TNXB: variants seen among roughly 807,000 people sequenced by gnomAD.
TNXB encodes tenascin-X.
Under a neutral mutation model 340.5 loss-of-function variants are expected in TNXB, and 183 were observed. The observed-to-expected ratio is 0.54, with a 90% CI of 0.48 to 0.61. The LOEUF (loss-of-function observed/expected upper bound fraction) is 0.61. Among genes scored for constraint, TNXB ranks in the 20% least tolerant of loss-of-function variants. The pLI is 0.00. For synonymous variants in TNXB, 2,121 were observed against 2,314.5 expected, an observed-to-expected ratio of 0.92 and a Z score of 2.40; for missense variants, 4,613 against 5,446.4, an observed-to-expected ratio of 0.85 and a Z score of 4.82.
intron 13 of TNXB, among the ~76,000 whole-genome samples, chr6:32,071,580 T>TTC (rs1252347714): frequency 1.8e-4 from 27 of 147,880 alleles, no homozygotes; most frequent in South Asian, 6.4e-4. Context: ...TTTTCTTTCT[T>TTC]TTTTTTTTTT....
chr6:32,057,455 G>A (rs945659932), intron 22 of TNXB, among the ~76,000 whole-genome samples: 1 of 152,004 alleles, frequency 6.6e-6, no homozygotes, highest in African/African-American at 2.4e-5. Context: ...TACTGGCCTC[G>A]CTGCCTCCAG....
intron 29 of TNXB, 25 bp downstream of exon 29, chr6:32,048,338 C>T (rs763244522): frequency 6.8e-6 from 10 of 1,472,630 alleles, no homozygotes; most frequent in Non-Finnish European, 7.2e-6. Context: ...GCTCTGGCCG[C>T]GGGAGGCCTC....
At position 32,058,223 on chromosome 6, in the gene TNXB, C is replaced by G. The variant is rs777317530; in HGVS notation, c.7660G>C (p.Val2554Leu). The change falls in exon 22 of 44, where the codon GTG becomes CTG. Residue 2554 changes from valine (V) to leucine (L), a missense_variant. Coordinates refer to ENST00000644971, the MANE Select transcript of TNXB (RefSeq NM_001365276.2). This position sits in a 1 kb window ranked among gnomAD's most constrained non-coding sequence, Gnocchi z 5.1. ...VPQGRFDSFTVQYKDRDGRPQ... is the reference protein window; with the variant it reads ...VPQGRFDSFTLQYKDRDGRPQ... ...CGCCCGTCCCTGTCCTTGTACTGCACGGTGAAGGAGTCAAAGCGGCCCTGG... is the reference window on the plus strand; with the variant it reads ...CGCCCGTCCCTGTCCTTGTACTGCAGGGTGAAGGAGTCAAAGCGGCCCTGG... The G allele has an allele frequency of 6.2e-7, 1 of 1,612,402 alleles. No homozygotes were observed. Among genetic ancestry groups the G allele is most frequent in the Non-Finnish European group, 8.5e-7 (1 of 1,179,852 alleles).
Position 32,079,417 on chromosome 6 carries a change from C to A in TNXB, c.4043-52G>T, listed in dbSNP as rs1779313871. Reference sequence around the variant, plus strand: ...GGCTGCTGGCTTTGCTGCTGCTGCCCACAGATGACAGCCATGGAAATGCCC... The same window carrying A: ...GGCTGCTGGCTTTGCTGCTGCTGCCAACAGATGACAGCCATGGAAATGCCC... On this transcript the variant is annotated intron_variant, in intron 10 of 43. Coordinates refer to ENST00000644971, the MANE Select transcript of TNXB (RefSeq NM_001365276.2). This position sits in a 1 kb window ranked among gnomAD's most constrained non-coding sequence, Gnocchi z 7.1. The A allele has an allele frequency of 1.4e-6, 2 of 1,428,468 alleles. No homozygotes were observed. Among genetic ancestry groups the A allele is most frequent in the South Asian group, 1.3e-5 (1 of 75,838 alleles). The allele number at this position is 1,428,468 out of a possible 1,614,324, so 88.5% of individuals were successfully genotyped here.
rs773878446 is a variant in TNXB at position 32,086,134 on chromosome 6, G to A, written c.2780-16C>T. On this transcript the variant is annotated splice_polypyrimidine_tract_variant and intron_variant, in intron 6 of 43. Transcript: ENST00000644971. ...GGTGAGGACCCTGGGAAGGGGCAGGGTGAGAAAAAGAGGAGAGTCCAGTAT... is the reference window on the plus strand; with the variant it reads ...GGTGAGGACCCTGGGAAGGGGCAGGATGAGAAAAAGAGGAGAGTCCAGTAT... 1 of 1,478,390 alleles carries A rather than the reference G, an allele frequency of 6.8e-7. No individual in the cohort carries two copies. Among genetic ancestry groups the A allele is most frequent in the Non-Finnish European group, 9.0e-7 (1 of 1,112,448 alleles). The allele number at this position is 1,478,390 out of a possible 1,614,324, so 91.6% of individuals were successfully genotyped here.
chr6:32,041,628 A>G (rs1776405425), intron 43 of TNXB, 143 bp downstream of exon 43: 4 of 1,091,330 alleles, frequency 3.7e-6, no homozygotes, highest in Non-Finnish European at 5.5e-6. Flanking sequence ...CCAATAAATC[A>G]ACTCCAGCTC....
In TNXB at chr6:32,079,477, T is replaced by C; in HGVS notation, c.4043-112A>G. The C allele has an allele frequency of 4.5e-6, 4 of 898,442 alleles. No individual in the cohort carries two copies. Among genetic ancestry groups the C allele is most frequent in the Non-Finnish European group, 6.6e-6 (4 of 602,778 alleles). 55.7% of individuals were successfully genotyped at this position (898,442 alleles called of 1,614,324 possible). Reference sequence around the variant, plus strand: ...GGGCTCAGGGGCTCTGTAGCCTTTGTATTTGCCATTCGGTCACTCACGGAT... The same window carrying C: ...GGGCTCAGGGGCTCTGTAGCCTTTGCATTTGCCATTCGGTCACTCACGGAT... On this transcript the variant is annotated intron_variant, in intron 10 of 43. Coordinates refer to ENST00000644971, the MANE Select transcript of TNXB (RefSeq NM_001365276.2). The surrounding 1 kb of genome is among the most constrained non-coding windows in gnomAD (Gnocchi z 7.1).
chr6:32,081,381 C>G lies in TNXB; in HGVS notation c.4029G>C (p.Val1343=), dbSNP rs531069163. Reference sequence around the variant, plus strand: ...GCCATGACTCACCAGTCTTGGCCACCACAGACTCGGGCCCCACACGCTGCC... The same window carrying G: ...GCCATGACTCACCAGTCTTGGCCACGACAGACTCGGGCCCCACACGCTGCC... ...RGRQRVGPES[V]VAKTAPQEDV... Residue 1343 remains valine (V), a synonymous_variant, in exon 10 of 44, where the codon GTG becomes GTC. Coordinates refer to ENST00000644971, the MANE Select transcript of TNXB (RefSeq NM_001365276.2). The surrounding 1 kb of genome is among the most constrained non-coding windows in gnomAD (Gnocchi z 5.1). 6.5e-7 allele frequency: 1 copy of G among 1,539,284 alleles called. No homozygotes were observed. The highest frequency in any genetic ancestry group is 1.4e-5 in the African/African-American group (1 of 73,060).
Position 32,041,207 on chromosome 6 carries a change from C to T in TNXB, c.*142G>A, listed in dbSNP as rs1262054342. 4.3e-6 allele frequency: 4 copies of T among 934,980 alleles called. No individual in the cohort carries two copies. Among genetic ancestry groups the T allele is most frequent in the African/African-American group, 3.1e-5 (2 of 64,404 alleles). The allele number at this position is 934,980 out of a possible 1,614,324, so 57.9% of individuals were successfully genotyped here. On this transcript the variant is annotated 3_prime_UTR_variant, in exon 44 of 44. Coordinates refer to ENST00000644971, the MANE Select transcript of TNXB (RefSeq NM_001365276.2). ...CTCCCGTACGAACCCCTCCCCTCCC[C>T]CCTGTAAACACAGTGCTGCGAGATC...
At chr6:32,055,785 G>T in intron 24 of TNXB, 66 bp downstream of exon 24, 1 of 1,556,038 alleles carries the variant, frequency 6.4e-7, no homozygotes, top group Non-Finnish European at 8.7e-7. Flanking sequence ...GAATATTTTT[G>T]TTTTCATGAA....
Position 32,069,932 on chromosome 6 carries a change from T to C in TNXB, c.5279-71A>G, listed in dbSNP as rs1360546647. ...GACTGGGTGACCTCGACGGGCAGGA[T>C]TGAGAGGTCTGGAGACAGGGCTTTG... On this transcript the variant is annotated intron_variant, in intron 14 of 43. Coordinates refer to ENST00000644971, the MANE Select transcript of TNXB (RefSeq NM_001365276.2). The surrounding 1 kb of genome is among the most constrained non-coding windows in gnomAD (Gnocchi z 6.2). 2.7e-6 allele frequency: 4 copies of C among 1,465,282 alleles called. No individual in the cohort carries two copies. In the African/African-American group the frequency reaches 4.2e-5, roughly 15 times the overall value. The allele number at this position is 1,465,282 out of a possible 1,614,324, so 90.8% of individuals were successfully genotyped here.
At position 32,106,137 on chromosome 6, in the gene TNXB, G is replaced by C. The variant is rs1429270586; in HGVS notation, c.-9+3044C>G. ...GTAGTGACTAGTAGGGGCATGGGGG[G>C]GGGGGCTTCTGGGGTGCTAAAGGTG... On this transcript the variant is annotated intron_variant, in intron 1 of 43. Transcript: ENST00000644971. Among the ~76,000 whole-genome samples the C allele has an allele frequency of 4.6e-5, 7 of 151,796 alleles. No homozygotes were observed. In the East Asian group the frequency reaches 5.8e-4, roughly 13 times the overall value.
At chr6:32,048,107 A>C in intron 29 of TNXB, 95 bp from the exon 30 acceptor site, 1 of 1,437,662 alleles carries the variant, frequency 7.0e-7, no homozygotes, top group Non-Finnish European at 9.4e-7. Flanking sequence ...CGGTCCCAGG[A>C]ACGGGAGGGT....
rs1777033902 is a variant in TNXB at position 32,048,376 on chromosome 6, C to T, written c.10032G>A (p.Val3344=). 1.3e-6 allele frequency: 2 copies of T among 1,501,478 alleles called. No individual in the cohort carries two copies. The highest frequency in any genetic ancestry group is 1.8e-6 in the Non-Finnish European group (2 of 1,122,064). The allele number at this position is 1,501,478 out of a possible 1,614,324, so 93.0% of individuals were successfully genotyped here. The change falls in exon 29 of 44, where the codon GTG becomes GTA. Residue 3344 remains valine (V), a synonymous_variant. Coordinates refer to ENST00000644971, the MANE Select transcript of TNXB (RefSeq NM_001365276.2). Reference sequence around the variant, plus strand: ...GCCCTCACTCACCGGTCCTGGCCTCCACAGGGACTGGGCCGTGGCGTTTCC... The same window carrying T: ...GCCCTCACTCACCGGTCCTGGCCTCTACAGGGACTGGGCCGTGGCGTTTCC... ...QNGKRHGPVP[V]EARTAPDTKP...
At position 32,095,117 on chromosome 6, in the gene TNXB, G is replaced by A; in HGVS notation, c.2317C>T (p.Pro773Ser). Reference sequence around the variant, plus strand: ...ATTTCATAGGCATCCACGGGGCCAGGAGCCGGGGTCCACTCTGTCCGAACT... The same window carrying A: ...ATTTCATAGGCATCCACGGGGCCAGAAGCCGGGGTCCACTCTGTCCGAACT... ...TTVRTEWTPA[P>S]GPVDAYEIQF... Residue 773 changes from proline (P) to serine (S), a missense_variant, in exon 4 of 44, where the codon CCT (proline) becomes TCT (serine). By Grantham distance (74) the Pro-to-Ser change is moderately conservative. Around this residue, in one of 7 missense-constraint regions of TNXB, gnomAD observed 4,327 missense variants for 4,859.4 expected, o/e 0.89. Coordinates refer to ENST00000644971, the MANE Select transcript of TNXB (RefSeq NM_001365276.2). 1 of 1,549,472 alleles carries A rather than the reference G, an allele frequency of 6.5e-7. No homozygotes were observed. Among genetic ancestry groups the A allele is most frequent in the East Asian group, 2.4e-5 (1 of 40,976 alleles).
Position 32,074,015 on chromosome 6 carries a change from C to A in TNXB, c.4376-63G>T. 7.4e-7 allele frequency: 1 copy of A among 1,347,370 alleles called. No individual in the cohort carries two copies. 83.5% of individuals were successfully genotyped at this position (1,347,370 alleles called of 1,614,324 possible). The stretch of plus-strand genomic sequence containing the variant: ...CCCCCTTTTCTTATAGTAATGATGT[C>A]TAGTTATTTATTTTTTATTTTTTAT... On this transcript the variant is annotated intron_variant, in intron 11 of 43. Coordinates refer to ENST00000644971, the MANE Select transcript of TNXB (RefSeq NM_001365276.2). This position sits in a 1 kb window ranked among gnomAD's most constrained non-coding sequence, Gnocchi z 5.5.
In TNXB at chr6:32,096,058, C is replaced by T. The variant is rs1249632506; in HGVS notation, c.1795G>A (p.Val599Met). ...QCPNDCSQHG[V>M]CQDGVCICWE... ...CAGATGCACACACCGTCCTGGCACA[C>T]GCCGTGCTGGCTGCAGTCATTCGGG... The change falls in exon 3 of 44, where the codon GTG (valine) becomes ATG (methionine). Residue 599 changes from valine (V) to methionine (M), a missense_variant. By Grantham distance (21) the Val-to-Met change is conservative. Transcript: ENST00000644971. 4.3e-5 allele frequency: 69 copies of T among 1,613,010 alleles called. No individual in the cohort carries two copies. The highest frequency in any genetic ancestry group is 1.6e-4 in the Middle Eastern group (1 of 6,084).
In TNXB at chr6:32,064,128, C is replaced by T. The variant is rs1219507201; in HGVS notation, c.6841+693G>A. Among the ~76,000 whole-genome samples, 1 of 152,160 alleles carries T rather than the reference C, an allele frequency of 6.6e-6. No individual in the cohort carries two copies. The highest frequency in any genetic ancestry group is 2.4e-5 in the African/African-American group (1 of 41,408). ...GTGTGAGAGCCAAGCCACACTCCCG[C>T]CCACCCTTCACGACAGGTATGGTTA... On this transcript the variant is annotated intron_variant, in intron 19 of 43. Transcript: ENST00000644971. The surrounding 1 kb of genome is among the most constrained non-coding windows in gnomAD (Gnocchi z 5.3).
chr6:32,061,968 A>G lies in TNXB; in HGVS notation c.7168+189T>C, dbSNP rs148997020. On this transcript the variant is annotated intron_variant, in intron 20 of 43. Coordinates refer to ENST00000644971, the MANE Select transcript of TNXB (RefSeq NM_001365276.2). The surrounding 1 kb of genome is among the most constrained non-coding windows in gnomAD (Gnocchi z 4.4). ...AGCCACCAGCACAGCAAAACTCCCA[A>G]TGGCCCCTCCCTGCTCAGGGGGAGC... Among the ~76,000 whole-genome samples, 137 of 152,266 alleles carry G rather than the reference A, an allele frequency of 9.0e-4. 1 individual carries two copies. The East Asian group carries it at 0.025, about 28-fold the overall frequency.
Sources: allele counts gnomAD v4.1 joint callset (sites outside exome capture counted in the v4.1 genomes callset), GRCh38; gene constraint gnomAD v4.1.1; regional missense constraint gnomAD v4.1.1; non-coding constraint Gnocchi (gnomAD v3.1); transcripts MANE v1.5; gene names NCBI Gene and HGNC (gene_info 2026-07-23, HGNC 2026-07-21).